PTPRG: variants seen among roughly 807,000 people sequenced by gnomAD.
PTPRG encodes protein tyrosine phosphatase receptor type G.
A neutral mutation model predicts 165.3 loss-of-function variants in PTPRG; 102 were observed. The observed-to-expected ratio is 0.62, with a 90% CI of 0.53 to 0.73. The LOEUF (loss-of-function observed/expected upper bound fraction) is 0.73. Ranked by LOEUF, PTPRG falls within the 30% of genes least tolerant of loss-of-function variation. The pLI, the probability that PTPRG is intolerant of heterozygous loss-of-function variation, is 0.00. For missense variants in PTPRG, 1,866 were observed against 1,861.4 expected (o/e 1.00, Z -0.05); for synonymous variants, 675 against 669.5 (o/e 1.01, Z -0.13).
intron 14 of PTPRG, among the ~76,000 whole-genome samples, chr3:62,239,498 T>C (rs1253900937): frequency 6.6e-6 from 1 of 151,482 alleles, no homozygotes; most frequent in Non-Finnish European, 1.5e-5. Flanking sequence ...GCCTCCCGAG[T>C]AGCTGGAACT....
chr3:62,129,524 C>T (rs539445476), intron 5 of PTPRG, among the ~76,000 whole-genome samples: 7 of 152,126 alleles, frequency 4.6e-5, no homozygotes, highest in South Asian at 2.1e-4. Flanking sequence ...ACCATGGCAA[C>T]GCGTATCACA....
intron 2 of PTPRG, among the ~76,000 whole-genome samples, chr3:61,961,620 C>G (rs2040154804): frequency 6.6e-6 from 1 of 152,112 alleles, no homozygotes; most frequent in African/African-American, 2.4e-5. Context: ...AAAATAGAAA[C>G]AGACTGAGAA....
chr3:61,965,839 G>A (rs1043888813), intron 2 of PTPRG, among the ~76,000 whole-genome samples: 1 of 152,230 alleles, frequency 6.6e-6, no homozygotes, highest in Admixed American at 6.5e-5. Flanking sequence ...CCACTTACAT[G>A]CCAAGTGGCA....
intron 1 of PTPRG, among the ~76,000 whole-genome samples, chr3:61,674,696 C>T (rs1161538748): frequency 1.3e-5 from 2 of 152,026 alleles, no homozygotes; most frequent in African/African-American, 2.4e-5. Flanking sequence ...TGACCTTTCT[C>T]TTTGTAACTT....
At chr3:62,281,331 G>A (rs75862911) in intron 26 of PTPRG, among the ~76,000 whole-genome samples, 1 of 151,802 alleles carries the variant, frequency 6.6e-6, no homozygotes, top group Non-Finnish European at 1.5e-5. Flanking sequence ...AGTGTTTCAG[G>A]TTGCTACACT....
intron 1 of PTPRG, among the ~76,000 whole-genome samples, chr3:61,685,824 C>T (rs1302610474): frequency 6.6e-6 from 1 of 152,210 alleles, no homozygotes; most frequent in African/African-American, 2.4e-5. Flanking sequence ...CTGTTAGTCT[C>T]TGCCCCTAGA....
chr3:61,801,647 T>A (rs930214978), intron 2 of PTPRG, among the ~76,000 whole-genome samples: 6 of 152,118 alleles, frequency 3.9e-5, no homozygotes, highest in Non-Finnish European at 7.4e-5. Flanking sequence ...GGGTTCCGCT[T>A]CTCAAGACGG....
intron 1 of PTPRG, among the ~76,000 whole-genome samples, chr3:61,641,354 G>T (rs1229194457): frequency 6.6e-6 from 1 of 152,118 alleles, no homozygotes; most frequent in East Asian, 1.9e-4. Context: ...GAACAAAGTG[G>T]AAATCTCGGG....
intron 1 of PTPRG, among the ~76,000 whole-genome samples, chr3:61,729,274 G>A (rs539065929): frequency 1.4e-4 from 22 of 152,282 alleles, no homozygotes; most frequent in Non-Finnish European, 3.1e-4. Context: ...GCCAGTTGTT[G>A]CCGTATGTTT....
intron 2 of PTPRG, among the ~76,000 whole-genome samples, chr3:61,776,040 C>T (rs2034371953): frequency 6.6e-6 from 1 of 151,412 alleles, no homozygotes; most frequent in Middle Eastern, 3.4e-3. Flanking sequence ...AACAAACCTG[C>T]TCGTTGTGCA....
intron 4 of PTPRG, among the ~76,000 whole-genome samples, chr3:62,068,493 T>A (rs780751773): frequency 6.6e-6 from 1 of 152,182 alleles, no homozygotes. Flanking sequence ...TGTTTTTAAT[T>A]GAAGCAGAGT....
chr3:61,572,736 AGGGCCTAT>A (rs1700085557), intron 1 of PTPRG, among the ~76,000 whole-genome samples: 3 of 152,184 alleles, frequency 2.0e-5, no homozygotes, highest in Admixed American at 6.5e-5. Context: ...CTAGCAGCCT[AGGGCCTAT>A]GTTAGTGCTT....
chr3:61,648,255 A>G (rs1289482579), intron 1 of PTPRG, among the ~76,000 whole-genome samples: 9 of 152,186 alleles, frequency 5.9e-5, no homozygotes, highest in African/African-American at 2.2e-4. Context: ...TACCCAGGCA[A>G]TCCTTGTTTC....
intron 2 of PTPRG, among the ~76,000 whole-genome samples, chr3:61,965,952 C>T (rs942036289): frequency 6.6e-6 from 1 of 152,122 alleles, no homozygotes; most frequent in Non-Finnish European, 1.5e-5. Flanking sequence ...AGATCTGACC[C>T]GTGCAGTTTT....
At chr3:61,912,257 C>T (rs1453148447) in intron 2 of PTPRG, among the ~76,000 whole-genome samples, 5 of 152,174 alleles carry the variant, frequency 3.3e-5, no homozygotes, top group Admixed American at 6.5e-5. Context: ...CCCCTTACCA[C>T]TATTAAGACC....
intron 28 of PTPRG, among the ~76,000 whole-genome samples, chr3:62,290,997 C>A (rs986729672): frequency 6.6e-6 from 1 of 152,006 alleles, no homozygotes; most frequent in African/African-American, 2.4e-5. Context: ...AAAAAACTCA[C>A]AAGTACTACA....
chr3:62,269,303 CT>C (rs1490808399), intron 20 of PTPRG, 134 bp downstream of exon 20: 8 of 934,472 alleles, frequency 8.6e-6, no homozygotes, highest in Non-Finnish European at 1.2e-5. Flanking sequence ...TTTCATAACT[CT>C]TTTGATTGAC....
intron 5 of PTPRG, among the ~76,000 whole-genome samples, chr3:62,113,870 T>A (rs528001968): frequency 1.4e-4 from 22 of 152,378 alleles, no homozygotes; most frequent in African/African-American, 4.8e-4. Context: ...GGTGCCATAA[T>A]TCATAGTAGG....
At chr3:61,597,135 C>G (rs13326667) in intron 1 of PTPRG, among the ~76,000 whole-genome samples, 4,332 of 152,254 alleles carry the variant, frequency 0.028, 189 homozygotes, top group African/African-American at 0.097. Flanking sequence ...AACAAACCCA[C>G]TCCCTCCTTA....
Sources: gnomAD v4.1 joint callset for allele counts (sites outside exome capture counted in the v4.1 genomes callset) on GRCh38, gnomAD v4.1.1 for gene constraint, MANE v1.5 for transcripts, NCBI Gene and HGNC (gene_info 2026-07-23, HGNC 2026-07-21) for gene names.